Variants in MFF observed in about 807,000 individuals in gnomAD.
MFF encodes the protein mitochondrial fission factor, also known as chromosome 2 open reading frame 33.
Under a neutral mutation model 36.9 loss-of-function variants are expected in MFF, and 12 were observed. The observed-to-expected ratio is 0.33, with a 90% CI of 0.21 to 0.53. MFF has a LOEUF of 0.53. MFF is among the 20% of genes least tolerant of loss of function. MFF has a pLI of 0.95. For synonymous variants in MFF, 99 were observed against 126.2 expected (o/e 0.78, Z 1.44); for missense variants, 348 against 366.6 (o/e 0.95, Z 0.42).
intron 3 of MFF, among the ~76,000 whole-genome samples, 192 bp downstream of exon 3, chr2:227,331,038 G>A (rs2074533793): frequency 6.6e-6 from 1 of 152,062 alleles, no homozygotes; most frequent in Admixed American, 6.5e-5. Flanking sequence ...TAATTATTGA[G>A]GTTTTACACA....
intron 7 of MFF, among the ~76,000 whole-genome samples, chr2:227,353,505 C>T (rs1289652632): frequency 1.3e-5 from 2 of 152,122 alleles, no homozygotes; most frequent in Non-Finnish European, 1.5e-5. Flanking sequence ...AATCCCTTAC[C>T]ACTCTGCTGA....
At chr2:227,332,740 A>G (rs2074694029) in intron 4 of MFF, 152 bp downstream of exon 4, 4 of 549,934 alleles carry the variant, frequency 7.3e-6, no homozygotes, top group South Asian at 4.1e-5. Flanking sequence ...AATGTGCCAA[A>G]TAAGTTATTA....
chr2:227,336,200 A>G (rs1238823023), intron 4 of MFF, among the ~76,000 whole-genome samples: 1 of 152,220 alleles, frequency 6.6e-6, no homozygotes, highest in Admixed American at 6.5e-5. Flanking sequence ...TAAGTCAAAG[A>G]TGTGGACTCT....
intron 5 of MFF, among the ~76,000 whole-genome samples, chr2:227,345,824 A>G (rs1289846566): frequency 6.6e-6 from 1 of 152,166 alleles, no homozygotes; most frequent in Non-Finnish European, 1.5e-5. Context: ...ATTTAAGGTC[A>G]CTGGTCATGA....
At chr2:227,333,819 C>T (rs1429107605) in intron 4 of MFF, among the ~76,000 whole-genome samples, 1 of 152,134 alleles carries the variant, frequency 6.6e-6, no homozygotes, top group Non-Finnish European at 1.5e-5. Flanking sequence ...AAGAAATGCT[C>T]CTTATTGTAT....
chr2:227,348,740 C>T (rs1170844692), intron 6 of MFF, among the ~76,000 whole-genome samples: 1 of 152,144 alleles, frequency 6.6e-6, no homozygotes, highest in Admixed American at 6.6e-5. Context: ...CTTTTGGCCT[C>T]ACTTTTCTCA....
chr2:227,325,503 C>T (rs1485236113), intron 1 of MFF, 76 bp downstream of exon 1: 2 of 152,624 alleles, frequency 1.3e-5, no homozygotes, highest in African/African-American at 2.4e-5. Context: ...CGCCGAGACC[C>T]TCCGGCCAAC....
intron 3 of MFF, among the ~76,000 whole-genome samples, chr2:227,331,704 G>A (rs933199547): frequency 5.9e-5 from 9 of 152,276 alleles, no homozygotes; most frequent in Middle Eastern, 3.4e-3. Flanking sequence ...TGGGCGTGTA[G>A]TGCCATCTTG....
chr2:227,331,995 G>A (rs7568766), intron 3 of MFF, among the ~76,000 whole-genome samples: 5,440 of 99,024 alleles, frequency 0.055, 367 homozygotes, highest in African/African-American at 0.18. Flanking sequence ...TTTTTGAGAC[G>A]GAGTCTCGCT....
intron 4 of MFF, among the ~76,000 whole-genome samples, chr2:227,339,422 C>A (rs1210807424): frequency 6.6e-6 from 1 of 152,154 alleles, no homozygotes; most frequent in African/African-American, 2.4e-5. Flanking sequence ...TAGGAAGTCT[C>A]AAAGGCAAAG....
chr2:227,335,838 C>A (rs941135733), intron 4 of MFF, among the ~76,000 whole-genome samples: 3 of 152,164 alleles, frequency 2.0e-5, no homozygotes, highest in African/African-American at 4.8e-5. Flanking sequence ...CAAACACTTT[C>A]AATATGCCTA....
At chr2:227,340,061 A>G (rs1015486648) in intron 4 of MFF, among the ~76,000 whole-genome samples, 13 of 152,068 alleles carry the variant, frequency 8.5e-5, no homozygotes, top group Non-Finnish European at 1.9e-4. Context: ...GTAAATAGAC[A>G]TTCCTGTTTA....
chr2:227,325,916 C>T (rs563620032), intron 1 of MFF, among the ~76,000 whole-genome samples: 181 of 152,194 alleles, frequency 1.2e-3, no homozygotes, highest in Middle Eastern at 3.4e-3. Flanking sequence ...AAAGAAGGGC[C>T]TTGTTGGAAG....
At chr2:227,332,712 T>A in intron 4 of MFF, 124 bp downstream of exon 4, 1 of 604,158 alleles carries the variant, frequency 1.7e-6, no homozygotes, top group Non-Finnish European at 2.8e-6. Context: ...GGAACATTAC[T>A]AATAATTCTA....
At chr2:227,333,458 A>G (rs1158440170) in intron 4 of MFF, among the ~76,000 whole-genome samples, 1 of 152,196 alleles carries the variant, frequency 6.6e-6, no homozygotes, top group African/African-American at 2.4e-5. Flanking sequence ...CATGACAGAA[A>G]GGCACTAACA....
intron 5 of MFF, among the ~76,000 whole-genome samples, chr2:227,345,346 C>G (rs2075651016): frequency 6.6e-6 from 1 of 152,028 alleles, no homozygotes; most frequent in Non-Finnish European, 1.5e-5. Flanking sequence ...GATTATAATT[C>G]TAAATATTGA....
chr2:227,332,569 C>T lies in MFF; in HGVS notation c.332C>T (p.Thr111Ile). 1.2e-6 allele frequency: 2 copies of T among 1,610,424 alleles called. No homozygotes were observed. The highest frequency in any genetic ancestry group is 1.7e-6 in the Non-Finnish European group (2 of 1,178,346). Residue 111 changes from threonine to isoleucine, a missense_variant, in exon 4 of 9, where the codon ACA becomes ATA. By Grantham distance (89) the Thr-to-Ile change is moderately conservative (BLOSUM62 -1). Coordinates refer to ENST00000304593, the MANE Select transcript of MFF (RefSeq NM_001277062.2). Reference protein sequence around the residue: ...LDFLDLERPPTTPQNEEIRAV... With the variant: ...LDFLDLERPPITPQNEEIRAV... ...TTTCTGGATTTAGAAAGACCTCCTA[C>T]AACCCCTCAAAATGAAGAAGTAAGT...
chr2:227,350,551 A>T (rs1274397075), intron 6 of MFF, among the ~76,000 whole-genome samples: 2 of 152,134 alleles, frequency 1.3e-5, no homozygotes, highest in Non-Finnish European at 2.9e-5. Flanking sequence ...TATCCCTATA[A>T]ATATACAGCT....
intron 1 of MFF, 109 bp from the exon 2 acceptor site, chr2:227,328,569 G>A (rs1285782502): frequency 2.6e-5 from 4 of 152,088 alleles, no homozygotes; most frequent in South Asian, 2.1e-4. Context: ...GTCTCTTGAT[G>A]TCAGGTTGTG....
Sources: allele counts gnomAD v4.1 joint callset (sites outside exome capture counted in the v4.1 genomes callset), GRCh38; gene constraint gnomAD v4.1.1; transcripts MANE v1.5; gene names NCBI Gene and HGNC (gene_info 2026-07-23, HGNC 2026-07-21).